The following PHF6 variants were observed in gnomAD, a reference collection of about 807,000 sequenced individuals.
The protein encoded by PHF6 is PHD finger protein 6, also known as PHD-like zinc finger protein.
Under a neutral mutation model 34.0 loss-of-function variants are expected in PHF6, and 7 were observed. That is an observed-to-expected ratio of 0.21 (90% CI 0.12 to 0.39). The LOEUF is 0.39. Among genes scored for constraint, PHF6 ranks in the 10% least tolerant of loss-of-function variants. The probability of loss-of-function intolerance (pLI) is 1.00; values close to 1 mark genes in which losing one functional copy is unlikely to be tolerated. For missense variants in PHF6, 128 were observed against 262.8 expected (o/e 0.49, Z 3.55); for synonymous variants, 89 against 88.4 (o/e 1.01, Z -0.04).
chrX:134,377,459 C>G lies in PHF6; in HGVS notation c.-46-113C>G, dbSNP rs2077282354. The stretch of plus-strand genomic sequence containing the variant: ...GCTTAATTTGTCTATACTAAATAAA[C>G]ATTTAAAAATGTGTATATTAAAACC... On this transcript the variant is annotated intron_variant, in intron 1 of 10. Coordinates refer to ENST00000370803, the MANE Select transcript of PHF6 (RefSeq NM_001015877.2). 8 of 482,059 alleles carry G rather than the reference C, an allele frequency of 1.7e-5. No homozygotes were observed. In the Admixed American group the frequency reaches 3.4e-4, roughly 20 times the overall value. 39.7% of individuals were successfully genotyped at this position (482,059 alleles called of 1,213,427 possible).
chrX:134,373,978 A>C (rs778727049), intron 1 of PHF6, among the ~76,000 whole-genome samples: 1 of 109,939 alleles, frequency 9.1e-6, no homozygotes, highest in African/African-American at 3.3e-5. Context: ...GTAGGATGAT[A>C]TTTTCCTAGA....
At chrX:134,424,397 A>AT (rs997625082) in intron 9 of PHF6, among the ~76,000 whole-genome samples, 1 of 111,872 alleles carries the variant, frequency 8.9e-6, no homozygotes, top group Non-Finnish European at 1.9e-5. Context: ...ACATTTTGAA[A>AT]TTAGATGCCT....
At chrX:134,388,524 T>C (rs920115240) in intron 3 of PHF6, among the ~76,000 whole-genome samples, 4 of 111,251 alleles carry the variant, frequency 3.6e-5, no homozygotes. Flanking sequence ...AACAGTTAAC[T>C]GCTTGGCTGT....
chrX:134,414,061 A>T (rs2077462291), intron 7 of PHF6, 95 bp downstream of exon 7: 12 of 1,011,438 alleles, frequency 1.2e-5, no homozygotes, highest in Non-Finnish European at 1.5e-5. Context: ...TTTTTTTTTA[A>T]AAATCATTTA....
intron 8 of PHF6, among the ~76,000 whole-genome samples, chrX:134,416,828 T>C (rs949036356): frequency 9.0e-6 from 1 of 111,512 alleles, no homozygotes; most frequent in Non-Finnish European, 1.9e-5. Context: ...CTAATCATAA[T>C]AGGAAAGGAT....
At chrX:134,414,877 A>T in intron 7 of PHF6, 139 bp from the exon 8 acceptor site, 2 of 512,204 alleles carry the variant, frequency 3.9e-6, no homozygotes, top group Middle Eastern at 5.9e-4. Context: ...AAATATATTA[A>T]AAATATTTGA....
At chrX:134,384,165 G>A (rs2077320052) in intron 3 of PHF6, among the ~76,000 whole-genome samples, 1 of 111,452 alleles carries the variant, frequency 9.0e-6, no homozygotes, top group South Asian at 3.8e-4. Flanking sequence ...CTGTCTGGGA[G>A]GAGTCTTACC....
chrX:134,395,890 A>G (rs1407461997), intron 5 of PHF6, among the ~76,000 whole-genome samples: 1 of 112,163 alleles, frequency 8.9e-6, no homozygotes, highest in Non-Finnish European at 1.9e-5. Context: ...TATGACGGAA[A>G]AAACCTTAGT....
intron 5 of PHF6, among the ~76,000 whole-genome samples, chrX:134,394,956 G>A (rs2077371363): frequency 2.8e-5 from 3 of 107,678 alleles, no homozygotes; most frequent in South Asian, 4.2e-4. Context: ...GGGTTCAAGC[G>A]ATTCTCCTGC....
intron 5 of PHF6, 58 bp from the exon 6 acceptor site, chrX:134,413,433 T>C: frequency 8.8e-7 from 1 of 1,133,807 alleles, no homozygotes; most frequent in South Asian, 1.8e-5. Context: ...TAAAGACCCA[T>C]GAACTAATAC....
At chrX:134,395,200 ATAT>A (rs1487437135) in intron 5 of PHF6, among the ~76,000 whole-genome samples, 1 of 112,252 alleles carries the variant, frequency 8.9e-6, no homozygotes, top group African/African-American at 3.2e-5. Context: ...TGATACTGTC[ATAT>A]TATAAATGAT....
At chrX:134,405,332 G>A (rs1171941227) in intron 5 of PHF6, among the ~76,000 whole-genome samples, 3 of 111,004 alleles carry the variant, frequency 2.7e-5, no homozygotes, top group Non-Finnish European at 3.8e-5. Flanking sequence ...CCAAGTAGCT[G>A]GGATTACAGG....
chrX:134,386,414 A>ATTT (rs35350115), intron 3 of PHF6, among the ~76,000 whole-genome samples: 53 of 94,733 alleles, frequency 5.6e-4, no homozygotes, highest in East Asian at 2.0e-3. Context: ...TTCCCAGATG[A>ATTT]TTTTTTTTTT....
At chrX:134,411,374 C>T (rs2077450076) in intron 5 of PHF6, among the ~76,000 whole-genome samples, 1 of 111,185 alleles carries the variant, frequency 9.0e-6, no homozygotes, top group African/African-American at 3.3e-5. Context: ...GGAATGATTT[C>T]ATATTTAGAA....
chrX:134,409,509 C>T (rs1195109217), intron 5 of PHF6, among the ~76,000 whole-genome samples: 2 of 111,349 alleles, frequency 1.8e-5, no homozygotes, highest in Non-Finnish European at 3.8e-5. Context: ...ACAGAATCAA[C>T]TTTAAGTTTC....
At chrX:134,381,202 A>G (rs1324366590) in intron 3 of PHF6, among the ~76,000 whole-genome samples, 1 of 111,115 alleles carries the variant, frequency 9.0e-6, no homozygotes, top group Non-Finnish European at 1.9e-5. Context: ...TTAGAATGTC[A>G]GTTTAAACAA....
intron 9 of PHF6, among the ~76,000 whole-genome samples, chrX:134,420,605 G>T (rs1192666498): frequency 1.8e-5 from 2 of 109,892 alleles, no homozygotes; most frequent in Non-Finnish European, 3.8e-5. Flanking sequence ...TTGGGGTGTG[G>T]TTGGGGAGAC....
At chrX:134,408,777 ATCTTGGCTCACTGCAAC>A (rs1452164040) in intron 5 of PHF6, among the ~76,000 whole-genome samples, 1 of 112,014 alleles carries the variant, frequency 8.9e-6, no homozygotes, top group Non-Finnish European at 1.9e-5. Flanking sequence ...CAGAGGTGCG[ATCTTGGCTCACTGCAAC>A]CTCCACCTCC....
chrX:134,399,652 T>TACAC (rs201158134), intron 5 of PHF6, among the ~76,000 whole-genome samples: 12,085 of 101,140 alleles, frequency 0.12, 644 homozygotes, highest in East Asian at 0.21. Context: ...ACCCCTAACA[T>TACAC]ACACACACAC....
Sources: gnomAD v4.1 joint callset for allele counts (sites outside exome capture counted in the v4.1 genomes callset) on GRCh38, gnomAD v4.1.1 for gene constraint, MANE v1.5 for transcripts, NCBI Gene and HGNC (gene_info 2026-07-23, HGNC 2026-07-21) for gene names.